LPIN1: variants seen among roughly 807,000 people sequenced by gnomAD.
The protein encoded by LPIN1 is phosphatidate phosphatase LPIN1.
LPIN1 carries 71 observed loss-of-function variants against 107.5 expected under a neutral mutation model. That is an observed-to-expected ratio of 0.66 (90% CI 0.55 to 0.80). The LOEUF (loss-of-function observed/expected upper bound fraction) is 0.80, where lower values mean the gene tolerates loss of function less well. Ranked by LOEUF, LPIN1 falls within the 30% of genes least tolerant of loss-of-function variation. The probability of loss-of-function intolerance (pLI) is 0.00; values close to 1 mark genes in which losing one functional copy is unlikely to be tolerated. For synonymous variants in LPIN1, 445 were observed against 452.6 expected (o/e 0.98, Z 0.21); for missense variants, 1,043 against 1,160.6 (o/e 0.90, Z 1.47).
At chr2:11,824,169 C>T (rs1385996467) in intron 20 of LPIN1, among the ~76,000 whole-genome samples, 1 of 152,040 alleles carries the variant, frequency 6.6e-6, no homozygotes, top group African/African-American at 2.4e-5. Flanking sequence ...TAGTAAATGG[C>T]AGAGCTGAAC....
chr2:11,770,165 A>G (rs539084435), intron 3 of LPIN1, among the ~76,000 whole-genome samples: 1 of 152,302 alleles, frequency 6.6e-6, no homozygotes, highest in Non-Finnish European at 1.5e-5. Context: ...GGCTTTAGAT[A>G]GATTTTTGGC....
intron 1 of LPIN1, among the ~76,000 whole-genome samples, chr2:11,694,266 G>A (rs1310218903): frequency 6.6e-6 from 1 of 152,198 alleles, no homozygotes; most frequent in East Asian, 1.9e-4. Flanking sequence ...TCCACTCCAA[G>A]AATGTGTGAA....
rs1674273966 is a variant in LPIN1, at chr2:11,784,975, T to A, written c.1448T>A (p.Val483Glu). The A allele has an allele frequency of 3.1e-6, 5 of 1,613,828 alleles. No individual in the cohort carries two copies. Among genetic ancestry groups the A allele is most frequent in the Non-Finnish European group, 4.2e-6 (5 of 1,179,974 alleles). The change falls in exon 10 of 21, where the codon GTG (valine) becomes GAG (glutamate). Residue 483 changes from valine to glutamate, a missense_variant. By Grantham distance (121) the Val-to-Glu change is moderately radical (BLOSUM62 -2). Transcript: ENST00000674199. ...CCGCAGTCGGTGGGCAGCTCGGGCG[T>A]GGACAGTGGCGTGGAGAGCACCTCG... ...QSPQSVGSSG[V>E]DSGVESTSDG...
intron 17 of LPIN1, among the ~76,000 whole-genome samples, chr2:11,814,160 G>A (rs1247198803): frequency 2.6e-5 from 4 of 152,124 alleles, no homozygotes; most frequent in Admixed American, 1.3e-4. Context: ...GGAAGCGGTG[G>A]CTGCTGAGGA....
chr2:11,777,829 G>C (rs949114821), intron 6 of LPIN1, among the ~76,000 whole-genome samples: 2 of 152,234 alleles, frequency 1.3e-5, no homozygotes, highest in South Asian at 4.1e-4. Flanking sequence ...ATTTTGTCTG[G>C]TGAAACAGAA....
intron 1 of LPIN1, among the ~76,000 whole-genome samples, chr2:11,734,687 G>A (rs1665606102): frequency 6.6e-6 from 1 of 152,096 alleles, no homozygotes; most frequent in African/African-American, 2.4e-5. Flanking sequence ...TTTCAAAGAG[G>A]CGGCCTCCAG....
At chr2:11,681,125 G>A (rs1452312767) in intron 1 of LPIN1, among the ~76,000 whole-genome samples, 1 of 152,192 alleles carries the variant, frequency 6.6e-6, no homozygotes, top group African/African-American at 2.4e-5. Context: ...GACTCAGAGA[G>A]CACTGTAGGG....
intron 2 of LPIN1, 142 bp from the exon 3 acceptor site, chr2:11,767,621 C>A (rs533846054): frequency 2.9e-6 from 2 of 700,714 alleles, no homozygotes; most frequent in South Asian, 3.1e-5. Context: ...TTGGATGGGA[C>A]GGCCTGACTG....
intron 1 of LPIN1, among the ~76,000 whole-genome samples, chr2:11,679,021 T>C (rs1340608583): frequency 2.0e-5 from 3 of 152,254 alleles, no homozygotes; most frequent in Non-Finnish European, 4.4e-5. Flanking sequence ...GTTTGCCCGG[T>C]GCTGACTGAG....
intron 17 of LPIN1, among the ~76,000 whole-genome samples, chr2:11,807,588 G>A (rs1558281462): frequency 6.7e-6 from 1 of 149,052 alleles, no homozygotes; most frequent in African/African-American, 2.5e-5. Context: ...ATAAAGCTGT[G>A]TGGCTTACTG....
intron 14 of LPIN1, among the ~76,000 whole-genome samples, chr2:11,799,212 G>A (rs1317961657): frequency 3.3e-5 from 5 of 151,988 alleles, no homozygotes; most frequent in Admixed American, 6.6e-5. Flanking sequence ...TTTCCTTTCT[G>A]TGTTCCTTCA....
Position 11,805,713 on chromosome 2 carries a change from G to A in LPIN1, c.2249+557G>A, listed in dbSNP as rs114830646. ...AGAGGGGTTCTCCGACTGCTCTCCT[G>A]TGCTGGGTACATGGGTTACTTCACT... is the stretch of plus-strand genomic sequence containing the variant. On this transcript the variant is annotated intron_variant, in intron 17 of 20. Coordinates refer to ENST00000674199, the MANE Select transcript of LPIN1 (RefSeq NM_001349206.2). Among the ~76,000 whole-genome samples, 292 of 152,326 alleles carry A rather than the reference G, an allele frequency of 1.9e-3. 1 individual carries two copies. The highest frequency in any genetic ancestry group is 6.4e-3 in the African/African-American group (267 of 41,578).
chr2:11,787,873 G>A (rs1218648993), intron 11 of LPIN1, among the ~76,000 whole-genome samples: 3 of 151,640 alleles, frequency 2.0e-5, no homozygotes, highest in Admixed American at 1.3e-4. Context: ...CCTGGGAGTC[G>A]GAAGTTGCAG....
chr2:11,743,990 A>G (rs964889788), upstream of LPIN1, among the ~76,000 whole-genome samples: 1 of 152,178 alleles, frequency 6.6e-6, no homozygotes, highest in Non-Finnish European at 1.5e-5. This position sits in a 1 kb window ranked among gnomAD's most constrained non-coding sequence, Gnocchi z 4.7. Context: ...AAAATCTTCC[A>G]ACCCCACAAC....
intron 1 of LPIN1, among the ~76,000 whole-genome samples, chr2:11,753,379 C>T (rs565902556): frequency 6.6e-6 from 1 of 152,354 alleles, no homozygotes; most frequent in South Asian, 2.1e-4. Flanking sequence ...GGGAATGTCT[C>T]ACGAACCCTG....
rs1269674286 is a variant in LPIN1 at position 11,774,435 on chromosome 2, G to A, written c.722+690G>A. Among the ~76,000 whole-genome samples the A allele has an allele frequency of 6.6e-6, 1 of 152,110 alleles. No individual in the cohort carries two copies. Among genetic ancestry groups the A allele is most frequent in the Non-Finnish European group, 1.5e-5 (1 of 68,022 alleles). On this transcript the variant is annotated intron_variant, in intron 5 of 20. Transcript: ENST00000674199. The surrounding 1 kb of genome is among the most constrained non-coding windows in gnomAD (Gnocchi z 4.4). ...CTTGGGTGGTGACAAAATCTTAGAC[G>A]TTATAATGGTTTGTGGTCTCTAAGG...
At chr2:11,754,697 G>A (rs1303465415) in intron 1 of LPIN1, among the ~76,000 whole-genome samples, 1 of 152,150 alleles carries the variant, frequency 6.6e-6, no homozygotes, top group Non-Finnish European at 1.5e-5. Flanking sequence ...CAAACTAGTC[G>A]TTGTGTTGAC....
intron 1 of LPIN1, among the ~76,000 whole-genome samples, chr2:11,740,277 C>T (rs1315764518): frequency 6.6e-6 from 1 of 152,138 alleles, no homozygotes; most frequent in Non-Finnish European, 1.5e-5. Flanking sequence ...ATCTTCCTTC[C>T]TCACTCAGTT....
At chr2:11,694,332 A>G (rs1035231126) in intron 1 of LPIN1, among the ~76,000 whole-genome samples, 7 of 152,186 alleles carry the variant, frequency 4.6e-5, no homozygotes, top group Non-Finnish European at 7.4e-5. Context: ...TGAGAGGCTC[A>G]TGCAAGGATT....
Sources: allele counts gnomAD v4.1 joint callset (sites outside exome capture counted in the v4.1 genomes callset), GRCh38; gene constraint gnomAD v4.1.1; non-coding constraint Gnocchi (gnomAD v3.1); transcripts MANE v1.5; gene names NCBI Gene and HGNC (gene_info 2026-07-23, HGNC 2026-07-21).